Variants in CHM observed in about 807,000 individuals in gnomAD.
CHM encodes rab proteins geranylgeranyltransferase component A 1.
Under a neutral mutation model 49.0 loss-of-function variants are expected in CHM, and 10 were observed. The ratio of observed to expected loss-of-function variants is 0.20; its 90% CI spans 0.13 to 0.35. The LOEUF (loss-of-function observed/expected upper bound fraction) is 0.35, where lower values mean the gene tolerates loss of function less well. Ranked by LOEUF, CHM falls within the 10% of genes least tolerant of loss-of-function variation. The probability of loss-of-function intolerance (pLI) is 1.00; values close to 1 mark genes in which losing one functional copy is unlikely to be tolerated. For missense variants in CHM, 455 were observed against 478.4 expected, an observed-to-expected ratio of 0.95 and a Z score of 0.46; for synonymous variants, 184 against 167.5, an observed-to-expected ratio of 1.10 and a Z score of -0.76.
intron 2 of CHM, among the ~76,000 whole-genome samples, chrX:85,986,517 C>T (rs1931922329): frequency 9.0e-6 from 1 of 111,626 alleles, no homozygotes; most frequent in South Asian, 3.8e-4. Context: ...CACTTAAATG[C>T]CACCTACTGG....
intron 1 of CHM, among the ~76,000 whole-genome samples, chrX:86,033,488 A>G (rs184667976): frequency 8.9e-6 from 1 of 112,592 alleles, no homozygotes; most frequent in African/African-American, 3.2e-5. Flanking sequence ...GACTGCTTTA[A>G]TAAAGAGTAA....
chrX:86,024,645 A>C (rs773078003), intron 2 of CHM, among the ~76,000 whole-genome samples: 1 of 112,286 alleles, frequency 8.9e-6, no homozygotes, highest in East Asian at 2.8e-4. Flanking sequence ...TGACAGTGGC[A>C]TAAAGAAAAA....
intron 2 of CHM, among the ~76,000 whole-genome samples, chrX:86,000,888 T>C (rs912622320): frequency 9.0e-6 from 1 of 111,558 alleles, no homozygotes; most frequent in Non-Finnish European, 1.9e-5. Flanking sequence ...GGTAAATGGG[T>C]ATAAAAATAC....
chrX:85,884,217 G>A (rs1040237359), intron 12 of CHM, among the ~76,000 whole-genome samples: 4 of 110,458 alleles, frequency 3.6e-5, no homozygotes, highest in African/African-American at 6.6e-5. Context: ...GCTGAGGGGA[G>A]GAAAATTTAA....
intron 2 of CHM, among the ~76,000 whole-genome samples, chrX:86,021,115 T>A (rs147984782): frequency 1.5e-5 from 1 of 64,631 alleles, no homozygotes; most frequent in Non-Finnish European, 2.8e-5. Context: ...CGTATATATA[T>A]GTGTATATAC....
intron 2 of CHM, among the ~76,000 whole-genome samples, chrX:86,024,830 G>C (rs1285207066): frequency 1.8e-5 from 2 of 111,997 alleles, no homozygotes; most frequent in Non-Finnish European, 3.8e-5. Context: ...TCGTTAAGTT[G>C]AGAAACTGGG....
intron 2 of CHM, among the ~76,000 whole-genome samples, chrX:86,004,122 G>A (rs1368415445): frequency 2.7e-5 from 3 of 111,624 alleles, no homozygotes; most frequent in African/African-American, 9.8e-5. Context: ...ATTCTTAAAC[G>A]AAAGAATTTT....
chrX:85,934,049 C>T lies in CHM; in HGVS notation c.1166+22104G>A, dbSNP rs762058456. 4.7e-4 allele frequency among the ~76,000 whole-genome samples: 51 copies of T among 107,693 alleles called. No homozygotes were observed. The Middle Eastern group carries it at 0.014, about 31-fold the overall frequency. 93.5% of individuals were successfully genotyped at this position (107,693 alleles called of 115,157 possible). A position where few individuals can be genotyped will look rare whatever the true frequency, so the allele number is the denominator to read the frequency against. ...AGGCTGGAGTGCAGTAGCGCAATCT[C>T]GGCTCACTGCAACCTCCGCCTCCTG... is the stretch of plus-strand genomic sequence containing the variant. On this transcript the variant is annotated intron_variant, in intron 8 of 14. Coordinates refer to ENST00000357749, the MANE Select transcript of CHM (RefSeq NM_000390.4).
intron 12 of CHM, among the ~76,000 whole-genome samples, chrX:85,893,681 C>T (rs953045105): frequency 3.6e-5 from 4 of 111,107 alleles, no homozygotes; most frequent in Non-Finnish European, 7.5e-5. Context: ...ATCCCCTTGC[C>T]TGTATGAGGA....
At chrX:86,007,080 G>C (rs1467739448) in intron 2 of CHM, among the ~76,000 whole-genome samples, 4 of 111,378 alleles carry the variant, frequency 3.6e-5, no homozygotes, top group Non-Finnish European at 7.5e-5. Context: ...CAATGGAACA[G>C]AACAGAGCCC....
intron 9 of CHM, among the ~76,000 whole-genome samples, chrX:85,902,426 G>T (rs1043601776): frequency 9.8e-5 from 11 of 111,677 alleles, no homozygotes; most frequent in South Asian, 3.7e-4. Flanking sequence ...TCCCACTGTT[G>T]TAAGGATAGT....
intron 12 of CHM, 146 bp from the exon 13 acceptor site, chrX:85,879,209 C>T (rs1353785083): frequency 2.3e-6 from 1 of 443,760 alleles, no homozygotes; most frequent in African/African-American, 2.5e-5. Context: ...AAAGGAAGTA[C>T]CCAACAAGTA....
At position 85,982,439 on chromosome X, in the gene CHM, G is replaced by T. The variant is rs185170402; in HGVS notation, c.117-630C>A. 3.6e-5 allele frequency among the ~76,000 whole-genome samples: 4 copies of T among 112,145 alleles called. No homozygotes were observed. In the East Asian group the frequency reaches 8.5e-4, roughly 24 times the overall value. ...CAAGATATTTGCAATAAGTATAATA[G>T]AAACAAAACTATCACTAATAACCGG... On this transcript the variant is annotated intron_variant, in intron 2 of 14. Coordinates refer to ENST00000357749, the MANE Select transcript of CHM (RefSeq NM_000390.4).
At chrX:86,000,908 T>C (rs1436149432) in intron 2 of CHM, among the ~76,000 whole-genome samples, 1 of 111,612 alleles carries the variant, frequency 9.0e-6, no homozygotes, top group Non-Finnish European at 1.9e-5. Context: ...CAGGTAGATA[T>C]AATAAGTTCT....
At chrX:85,936,087 A>C (rs1464944389) in intron 8 of CHM, among the ~76,000 whole-genome samples, 1 of 112,263 alleles carries the variant, frequency 8.9e-6, no homozygotes, top group Non-Finnish European at 1.9e-5. Flanking sequence ...AGAAAAAATT[A>C]TGGAGTACCC....
intron 4 of CHM, among the ~76,000 whole-genome samples, chrX:85,973,097 G>A (rs770913422): frequency 8.3e-5 from 9 of 108,698 alleles, no homozygotes; most frequent in Admixed American, 2.0e-4. Context: ...TCAAGAGATC[G>A]AAACCATCTT....
chrX:85,997,713 T>C (rs752371663), intron 2 of CHM, among the ~76,000 whole-genome samples: 7 of 111,414 alleles, frequency 6.3e-5, no homozygotes, highest in African/African-American at 2.3e-4. Context: ...CCCAGCACTT[T>C]GGCCAATGGG....
At chrX:85,978,548 T>C (rs1172312910) in intron 4 of CHM, 12 of 284,732 alleles carry the variant, frequency 4.2e-5, no homozygotes, top group Non-Finnish European at 7.0e-5. Context: ...TGAGATAATA[T>C]ATTTAAAACG....
At chrX:85,873,952 CAT>C (rs1459610553) in intron 13 of CHM, among the ~76,000 whole-genome samples, 1 of 111,417 alleles carries the variant, frequency 9.0e-6, no homozygotes, top group Non-Finnish European at 1.9e-5. Flanking sequence ...ATTTTGAGCA[CAT>C]GTTCTCTCAT....
Sources: allele counts gnomAD v4.1 joint callset (sites outside exome capture counted in the v4.1 genomes callset), GRCh38; gene constraint gnomAD v4.1.1; transcripts MANE v1.5; gene names NCBI Gene and HGNC (gene_info 2026-07-23, HGNC 2026-07-21).